Variants in UGT1A5 observed in about 807,000 individuals in gnomAD.
UGT1A5 encodes UDP glucuronosyltransferase family 1 member A5.
A neutral mutation model predicts 40.3 loss-of-function variants in UGT1A5; 29 were observed. That is an observed-to-expected ratio of 0.72 (90% CI 0.54 to 0.98). The LOEUF (loss-of-function observed/expected upper bound fraction) is 0.98. Among genes scored for constraint, UGT1A5 ranks in the 50% least tolerant of loss-of-function variants. UGT1A5 has a pLI of 0.00. For synonymous variants in UGT1A5, 257 were observed against 262.5 expected, an observed-to-expected ratio of 0.98 and a Z score of 0.20; for missense variants, 678 against 677.9, an observed-to-expected ratio of 1.00 and a Z score of 0.00.
At chr2:233,720,705 T>C (rs1394556391) in intron 1 of UGT1A5, among the ~76,000 whole-genome samples, 4 of 134,894 alleles carry the variant, frequency 3.0e-5, no homozygotes, top group Admixed American at 7.2e-5. Context: ...GGAGCCATCC[T>C]TTTTTTTTTT....
At chr2:233,747,712 T>C (rs566811001) in intron 1 of UGT1A5, 704 of 1,613,102 alleles carry the variant, frequency 4.4e-4, no homozygotes, top group Non-Finnish European at 5.2e-4. Flanking sequence ...TACCTATCAA[T>C]TCCTGCTGTG....
chr2:233,756,971 C>T (rs1226266668), intron 1 of UGT1A5, among the ~76,000 whole-genome samples: 8 of 151,892 alleles, frequency 5.3e-5, no homozygotes, highest in African/African-American at 1.9e-4. Flanking sequence ...GGTAAGCACG[C>T]AATGAACAGT....
intron 1 of UGT1A5, among the ~76,000 whole-genome samples, chr2:233,749,208 CA>C (rs1559394087): frequency 6.6e-6 from 1 of 151,746 alleles, no homozygotes; most frequent in Non-Finnish European, 1.5e-5. Flanking sequence ...GTATTATTGC[CA>C]AACACTCTAA....
intron 1 of UGT1A5, among the ~76,000 whole-genome samples, chr2:233,759,599 A>ACCCCCCCCCCC (rs1553620419): frequency 8.2e-4 from 89 of 108,630 alleles, no homozygotes; most frequent in African/African-American, 1.6e-3. Context: ...CCCACCCCCG[A>ACCCCCCCCCCC]CCCGCCCCAC....
intron 1 of UGT1A5, among the ~76,000 whole-genome samples, chr2:233,720,810 A>T (rs920812777): frequency 6.6e-6 from 1 of 151,018 alleles, no homozygotes; most frequent in Non-Finnish European, 1.5e-5. Context: ...GGTTTAAGAA[A>T]TTCTCCCACC....
At chr2:233,734,548 T>C (rs1157329537) in intron 1 of UGT1A5, among the ~76,000 whole-genome samples, 1 of 152,212 alleles carries the variant, frequency 6.6e-6, no homozygotes, top group Non-Finnish European at 1.5e-5. Context: ...TTTCTTCCCT[T>C]CTGCTAGCTT....
In UGT1A5 at chr2:233,769,705, G is replaced by T. The variant is rs1699921958; in HGVS notation, c.1307+1266G>T. Reference sequence around the variant, plus strand: ...TGGTGGCACTGGATAAAAGATCAATGTTGGCTAGGCACCATGGCACACGCC... The same window carrying T: ...TGGTGGCACTGGATAAAAGATCAATTTTGGCTAGGCACCATGGCACACGCC... On this transcript the variant is annotated intron_variant, in intron 4 of 4. Transcript: ENST00000373414. This position sits in a 1 kb window ranked among gnomAD's most constrained non-coding sequence, Gnocchi z 4.4. The T allele has an allele frequency of 6.6e-7, 1 of 1,517,524 alleles. No homozygotes were observed. Among genetic ancestry groups the T allele is most frequent in the African/African-American group, 1.4e-5 (1 of 73,038 alleles). The allele number at this position is 1,517,524 out of a possible 1,614,324, so 94.0% of individuals were successfully genotyped here. A position where few individuals can be genotyped will look rare whatever the true frequency, so the allele number is the denominator to read the frequency against.
intron 1 of UGT1A5, chr2:233,730,057 T>C: frequency 1.9e-6 from 3 of 1,611,758 alleles, no homozygotes; most frequent in South Asian, 1.1e-5. Context: ...AAAATGTATT[T>C]ATTTAAAATT....
chr2:233,747,699 A>G lies in UGT1A5; in HGVS notation c.868-19335A>G. 2.5e-6 allele frequency: 4 copies of G among 1,611,746 alleles called. No individual in the cohort carries two copies. In the South Asian group the frequency reaches 3.3e-5, roughly 13 times the overall value. On this transcript the variant is annotated intron_variant, in intron 1 of 4. Coordinates refer to ENST00000373414, the MANE Select transcript of UGT1A5 (RefSeq NM_019078.2). ...TTACCTCTGTGGGGCAGTGCTGGCT[A>G]AGTACCTATCAATTCCTGCTGTGTT...
At chr2:233,717,941 A>G in intron 1 of UGT1A5, 1 of 453,744 alleles carries the variant, frequency 2.2e-6, no homozygotes, top group Middle Eastern at 6.9e-4. Context: ...GTCTCTATGC[A>G]GACTTGCAGA....
Position 233,769,666 on chromosome 2 carries a change from T to C in UGT1A5, c.1307+1227T>C. 1 of 1,592,264 alleles carries C rather than the reference T, an allele frequency of 6.3e-7. No individual in the cohort carries two copies. The highest frequency in any genetic ancestry group is 8.6e-7 in the Non-Finnish European group (1 of 1,169,428). On this transcript the variant is annotated intron_variant, in intron 4 of 4. Transcript: ENST00000373414. This position sits in a 1 kb window ranked among gnomAD's most constrained non-coding sequence, Gnocchi z 4.4. ...GATGACTGACTTCCCACCTTTGAGG[T>C]GCTAATGTGTGTGTGGTGGCACTGG...
At position 233,769,609 on chromosome 2, in the gene UGT1A5, C is replaced by A. The variant is rs776582226; in HGVS notation, c.1307+1170C>A. On this transcript the variant is annotated intron_variant, in intron 4 of 4. Coordinates refer to ENST00000373414, the MANE Select transcript of UGT1A5 (RefSeq NM_019078.2). The surrounding 1 kb of genome is among the most constrained non-coding windows in gnomAD (Gnocchi z 4.4). Reference sequence around the variant, plus strand: ...AGAGGAGACGGAACACGGGGACACACCAGCTTGAGCAAGGGACAACAGGGG... The same window carrying A: ...AGAGGAGACGGAACACGGGGACACAACAGCTTGAGCAAGGGACAACAGGGG... The A allele has an allele frequency of 4.3e-6, 7 of 1,612,634 alleles. No individual in the cohort carries two copies. The highest frequency in any genetic ancestry group is 1.7e-4 in the Middle Eastern group (1 of 6,054).
chr2:233,756,601 A>G (rs1696268124), intron 1 of UGT1A5, among the ~76,000 whole-genome samples: 1 of 152,212 alleles, frequency 6.6e-6, no homozygotes, highest in Admixed American at 6.5e-5. Context: ...TACTGTATCG[A>G]AACCATTAAG....
intron 1 of UGT1A5, among the ~76,000 whole-genome samples, chr2:233,715,363 T>C (rs142199192): frequency 1.3e-5 from 2 of 150,268 alleles, no homozygotes; most frequent in African/African-American, 4.9e-5. Context: ...TTGAGACTTA[T>C]ATTTTCTTCA....
intron 1 of UGT1A5, chr2:233,743,709 C>T (rs1301083285): frequency 7.3e-7 from 1 of 1,367,384 alleles, no homozygotes; most frequent in Non-Finnish European, 9.8e-7. Context: ...GCCCCCGCCT[C>T]GCCATAGCGG....
chr2:233,754,382 C>A, intron 1 of UGT1A5: 2 of 288,814 alleles, frequency 6.9e-6, no homozygotes, highest in Non-Finnish European at 1.4e-5. Flanking sequence ...GAAAGACAAA[C>A]AGAGGTCCTA....
intron 1 of UGT1A5, among the ~76,000 whole-genome samples, chr2:233,751,862 A>G (rs1489873330): frequency 6.6e-6 from 1 of 152,176 alleles, no homozygotes; most frequent in Admixed American, 6.5e-5. Flanking sequence ...TGTCTTTTAT[A>G]AATTACCCCG....
At chr2:233,761,103 G>A (rs371726341) in intron 1 of UGT1A5, 4 of 1,614,144 alleles carry the variant, frequency 2.5e-6, no homozygotes, top group Admixed American at 1.7e-5. Flanking sequence ...TGCCCAATAT[G>A]GTTTTTGTTG....
rs144483920 is a variant in UGT1A5 at position 233,744,779 on chromosome 2, C to T, written c.868-22255C>T. On this transcript the variant is annotated intron_variant, in intron 1 of 4. Transcript: ENST00000373414. ...ATAGTTTTAACTTTGCAAAATTCTCCTGAAAAATTCTTGGGGATCCCTAGG... is the reference window on the plus strand; with the variant it reads ...ATAGTTTTAACTTTGCAAAATTCTCTTGAAAAATTCTTGGGGATCCCTAGG... Among the ~76,000 whole-genome samples, 38 of 151,988 alleles carry T rather than the reference C, an allele frequency of 2.5e-4. 2 individuals are homozygous for T. In the East Asian group the frequency reaches 6.6e-3, roughly 26 times the overall value.
Sources: gnomAD v4.1 joint callset for allele counts (sites outside exome capture counted in the v4.1 genomes callset) on GRCh38, gnomAD v4.1.1 for gene constraint, Gnocchi (gnomAD v3.1) non-coding constraint, MANE v1.5 for transcripts, NCBI Gene and HGNC (gene_info 2026-07-23, HGNC 2026-07-21) for gene names.